The following CTNND2 variants were observed in gnomAD, a reference collection of about 807,000 sequenced individuals.
The protein encoded by CTNND2 is catenin delta-2.
A neutral mutation model predicts 144.4 loss-of-function variants in CTNND2; 22 were observed. The observed-to-expected ratio is 0.15, with a 90% confidence interval of 0.11 to 0.22. The LOEUF (loss-of-function observed/expected upper bound fraction) is 0.22, where lower values mean the gene tolerates loss of function less well. Ranked by LOEUF, CTNND2 falls within the 10% of genes least tolerant of loss-of-function variation. The probability of loss-of-function intolerance (pLI) is 1.00; values close to 1 mark genes in which losing one functional copy is unlikely to be tolerated. For synonymous variants in CTNND2, 751 were observed against 695.6 expected (o/e 1.08, Z -1.25); for missense variants, 1,353 against 1,618.8 (o/e 0.84, Z 2.82).
chr5:11,227,717 T>C (rs1220076470), intron 10 of CTNND2, among the ~76,000 whole-genome samples: 1 of 152,172 alleles, frequency 6.6e-6, no homozygotes, highest in Non-Finnish European at 1.5e-5. Flanking sequence ...GGTATGCATA[T>C]TTTATGCACA....
At chr5:11,807,782 C>T (rs1017701237) in intron 1 of CTNND2, among the ~76,000 whole-genome samples, 2 of 152,152 alleles carry the variant, frequency 1.3e-5, no homozygotes, top group Non-Finnish European at 2.9e-5. Flanking sequence ...CACAGGCCTA[C>T]TTCACCAAAA....
intron 1 of CTNND2, among the ~76,000 whole-genome samples, chr5:11,773,831 C>T (rs1425162960): frequency 7.5e-6 from 1 of 133,952 alleles, no homozygotes; most frequent in Non-Finnish European, 1.6e-5. Context: ...AAAAAAAAAG[C>T]ATACAACAAA....
intron 1 of CTNND2, among the ~76,000 whole-genome samples, chr5:11,753,081 G>A (rs1788716718): frequency 1.3e-5 from 2 of 151,824 alleles, no homozygotes; most frequent in African/African-American, 4.8e-5. Flanking sequence ...CTCTGGGGCA[G>A]AGACTATGGG....
At chr5:11,816,637 G>A (rs1280866024) in intron 1 of CTNND2, among the ~76,000 whole-genome samples, 1 of 24,012 alleles carries the variant, frequency 4.2e-5, no homozygotes, top group Admixed American at 6.7e-4. Context: ...AGGGAGAGGG[G>A]GGGAAGAGAG....
intron 7 of CTNND2, among the ~76,000 whole-genome samples, chr5:11,371,458 A>G (rs1034457338): frequency 1.3e-5 from 2 of 152,230 alleles, no homozygotes. Flanking sequence ...AGGCACATTA[A>G]GAAAGGTGTG....
chr5:11,534,339 G>T (rs942528054), intron 3 of CTNND2, among the ~76,000 whole-genome samples: 8 of 151,692 alleles, frequency 5.3e-5, no homozygotes, highest in Non-Finnish European at 1.2e-4. Flanking sequence ...GGTGCGCCAG[G>T]TGACAGTGGC....
At chr5:11,488,744 G>C (rs775329262) in intron 3 of CTNND2, among the ~76,000 whole-genome samples, 1 of 152,094 alleles carries the variant, frequency 6.6e-6, no homozygotes, top group African/African-American at 2.4e-5. Flanking sequence ...GCAATCTACT[G>C]ATCTATTGGC....
At chr5:11,581,599 G>A (rs1034271480) in intron 2 of CTNND2, among the ~76,000 whole-genome samples, 1 of 152,126 alleles carries the variant, frequency 6.6e-6, no homozygotes, top group Admixed American at 6.5e-5. Flanking sequence ...TATCTTATTG[G>A]CTCCCTATCT....
At chr5:11,171,677 T>C (rs757874420) in intron 11 of CTNND2, among the ~76,000 whole-genome samples, 3 of 152,132 alleles carry the variant, frequency 2.0e-5, no homozygotes, top group Non-Finnish European at 4.4e-5. Flanking sequence ...ACACATTTTA[T>C]AGAGTTGTAG....
intron 1 of CTNND2, among the ~76,000 whole-genome samples, chr5:11,864,088 C>T (rs898723999): frequency 6.6e-6 from 1 of 152,102 alleles, no homozygotes; most frequent in Non-Finnish European, 1.5e-5. Flanking sequence ...AGTGTGTCCA[C>T]GTCCTAATTA....
intron 3 of CTNND2, among the ~76,000 whole-genome samples, chr5:11,452,965 C>T (rs1561416442): frequency 6.6e-6 from 1 of 152,200 alleles, no homozygotes; most frequent in Non-Finnish European, 1.5e-5. Flanking sequence ...TCATTGATGG[C>T]TACAGCGATG....
intron 12 of CTNND2, among the ~76,000 whole-genome samples, chr5:11,128,552 A>G (rs1754919871): frequency 6.7e-6 from 1 of 149,958 alleles, no homozygotes; most frequent in African/African-American, 2.5e-5. Context: ...GGGAGGCTGC[A>G]GCTCGTTTTG....
chr5:11,820,685 T>C lies in CTNND2; in HGVS notation c.37+83132A>G, dbSNP rs560927445. Among the ~76,000 whole-genome samples the C allele has an allele frequency of 6.6e-5, 10 of 152,324 alleles. No individual in the cohort carries two copies. In the East Asian group the frequency reaches 1.9e-3, roughly 29 times the overall value. On this transcript the variant is annotated intron_variant, in intron 1 of 21. Transcript: ENST00000304623. Reference sequence around the variant, plus strand: ...TTTCTTTTCCTATATGGACTGTAAATTAATGTGCTGCTTTGATAGGAGGTC... The same window carrying C: ...TTTCTTTTCCTATATGGACTGTAAACTAATGTGCTGCTTTGATAGGAGGTC...
At chr5:11,839,076 T>C (rs1794322806) in intron 1 of CTNND2, among the ~76,000 whole-genome samples, 1 of 152,142 alleles carries the variant, frequency 6.6e-6, no homozygotes, top group Admixed American at 6.5e-5. Flanking sequence ...CTGCACAATT[T>C]TGTAAAAATT....
intron 1 of CTNND2, among the ~76,000 whole-genome samples, chr5:11,766,270 T>C (rs576386706): frequency 1.3e-5 from 2 of 152,302 alleles, no homozygotes; most frequent in East Asian, 3.9e-4. Context: ...GGTATTAGTG[T>C]TGGTGGCTCA....
intron 10 of CTNND2, among the ~76,000 whole-genome samples, chr5:11,215,348 T>G (rs548685037): frequency 6.6e-6 from 1 of 152,352 alleles, no homozygotes; most frequent in South Asian, 2.1e-4. Context: ...TTTCATGAAG[T>G]GAGAGTAATT....
intron 10 of CTNND2, among the ~76,000 whole-genome samples, chr5:11,211,404 C>T (rs898991482): frequency 1.3e-5 from 2 of 152,200 alleles, no homozygotes; most frequent in South Asian, 4.1e-4. Flanking sequence ...TCAGCTAGGG[C>T]CACTGCCCTT....
intron 9 of CTNND2, among the ~76,000 whole-genome samples, chr5:11,306,649 T>C (rs918436176): frequency 1.3e-5 from 2 of 152,254 alleles, no homozygotes; most frequent in African/African-American, 2.4e-5. Flanking sequence ...TTGGGGACTG[T>C]TATGCAAGGC....
intron 3 of CTNND2, among the ~76,000 whole-genome samples, chr5:11,442,815 AAT>A (rs1491542499): frequency 6.9e-6 from 1 of 143,924 alleles, no homozygotes; most frequent in Non-Finnish European, 1.5e-5. Context: ...AATTTTATAT[AAT>A]ATATAATGAT....
Sources: allele counts gnomAD v4.1 joint callset (sites outside exome capture counted in the v4.1 genomes callset), GRCh38; gene constraint gnomAD v4.1.1; transcripts MANE v1.5; gene names NCBI Gene and HGNC (gene_info 2026-07-23, HGNC 2026-07-21).